CFAP221: variants seen among roughly 807,000 people sequenced by gnomAD.
CFAP221 encodes cilia- and flagella-associated protein 221.
In CFAP221, 97 loss-of-function variants were observed where a neutral mutation model predicts 113.1. That is an observed-to-expected ratio of 0.86 (90% CI 0.73 to 1.02). The LOEUF (loss-of-function observed/expected upper bound fraction) is 1.02, where lower values mean the gene tolerates loss of function less well. Among genes scored for constraint, CFAP221 ranks in the 50% least tolerant of loss-of-function variants. The probability of loss-of-function intolerance (pLI) is 0.00; values close to 1 mark genes in which losing one functional copy is unlikely to be tolerated. For synonymous variants in CFAP221, 331 were observed against 354.4 expected (o/e 0.93, Z 0.74); for missense variants, 1,025 against 1,013.4 (o/e 1.01, Z -0.16).
chr2:119,624,315 A>G (rs569925757), intron 14 of CFAP221, among the ~76,000 whole-genome samples: 10 of 152,356 alleles, frequency 6.6e-5, no homozygotes, highest in Admixed American at 4.6e-4. Context: ...CAAAACCACA[A>G]TGAGATACCA....
chr2:119,611,607 A>G, intron 12 of CFAP221, 46 bp from the exon 13 acceptor site: 1 of 1,510,258 alleles, frequency 6.6e-7, no homozygotes, highest in Non-Finnish European at 9.1e-7. Context: ...AAATTGTTTT[A>G]CGCATTTATA....
intron 22 of CFAP221, among the ~76,000 whole-genome samples, chr2:119,651,346 C>T (rs1436880516): frequency 2.6e-5 from 4 of 151,930 alleles, no homozygotes; most frequent in Admixed American, 6.6e-5. Flanking sequence ...CATTCACTTA[C>T]GTATTTTTCT....
intron 14 of CFAP221, among the ~76,000 whole-genome samples, chr2:119,623,739 A>T (rs1686101443): frequency 6.6e-6 from 1 of 152,210 alleles, no homozygotes; most frequent in East Asian, 1.9e-4. Flanking sequence ...CTGATATTTG[A>T]CAAACCTGAC....
intron 7 of CFAP221, among the ~76,000 whole-genome samples, chr2:119,599,631 G>A (rs1488456759): frequency 2.0e-5 from 3 of 152,136 alleles, no homozygotes; most frequent in Non-Finnish European, 4.4e-5. Flanking sequence ...CAATGAAAAG[G>A]GATTAGAGCC....
intron 22 of CFAP221, among the ~76,000 whole-genome samples, chr2:119,650,019 A>G (rs1403588614): frequency 6.6e-6 from 1 of 152,238 alleles, no homozygotes; most frequent in African/African-American, 2.4e-5. Flanking sequence ...CACTGATAGC[A>G]AATTATCACT....
At chr2:119,647,127 T>C in intron 22 of CFAP221, 77 bp downstream of exon 22, 3 of 1,134,770 alleles carry the variant, frequency 2.6e-6, no homozygotes, top group South Asian at 2.7e-5. Flanking sequence ...GTGAGGAACT[T>C]CAGAATAGCA....
intron 6 of CFAP221, among the ~76,000 whole-genome samples, chr2:119,583,068 C>G (rs892876431): frequency 2.6e-5 from 4 of 151,898 alleles, no homozygotes; most frequent in Admixed American, 6.6e-5. Context: ...GGAGACACAC[C>G]TAAAATAAAA....
chr2:119,617,797 A>AG, intron 14 of CFAP221, among the ~76,000 whole-genome samples: 1 of 152,168 alleles, frequency 6.6e-6, no homozygotes, highest in Admixed American at 6.5e-5. Flanking sequence ...AAACCCTCCG[A>AG]AGATGTTCTG....
At chr2:119,599,632 G>A (rs1264653413) in intron 7 of CFAP221, among the ~76,000 whole-genome samples, 3 of 152,192 alleles carry the variant, frequency 2.0e-5, no homozygotes, top group African/African-American at 7.2e-5. Context: ...AATGAAAAGG[G>A]ATTAGAGCCA....
chr2:119,586,462 T>A (rs1683229997), intron 6 of CFAP221, among the ~76,000 whole-genome samples: 2 of 152,320 alleles, frequency 1.3e-5, no homozygotes, highest in African/African-American at 4.8e-5. Context: ...AGCTTCAAGC[T>A]AGCTTAGAGG....
intron 21 of CFAP221, among the ~76,000 whole-genome samples, chr2:119,643,455 T>C (rs1436112284): frequency 1.3e-5 from 2 of 152,242 alleles, no homozygotes; most frequent in Non-Finnish European, 2.9e-5. Flanking sequence ...TCCCAGACTT[T>C]CTGATTTCAT....
At chr2:119,634,140 A>G (rs1686965619) in intron 19 of CFAP221, among the ~76,000 whole-genome samples, 1 of 152,110 alleles carries the variant, frequency 6.6e-6, no homozygotes, top group Non-Finnish European at 1.5e-5. Context: ...AATAATAATA[A>G]TGTGATCCAG....
chr2:119,598,241 C>T (rs1425623657), intron 7 of CFAP221, among the ~76,000 whole-genome samples: 4 of 152,232 alleles, frequency 2.6e-5, no homozygotes, highest in Non-Finnish European at 4.4e-5. Flanking sequence ...CTGGGCCTCA[C>T]TGCCATAACA....
At chr2:119,600,003 G>T (rs1341078569) in intron 7 of CFAP221, among the ~76,000 whole-genome samples, 1 of 152,112 alleles carries the variant, frequency 6.6e-6, no homozygotes, top group Admixed American at 6.5e-5. Context: ...GCAAAGGAGG[G>T]CATGTTTGGG....
chr2:119,594,326 C>T (rs769956899), intron 7 of CFAP221, among the ~76,000 whole-genome samples: 8 of 152,156 alleles, frequency 5.3e-5, no homozygotes, highest in Middle Eastern at 6.8e-3. Context: ...ACCTCTGCCT[C>T]CCAGGTTCAA....
At chr2:119,632,339 T>TACAA (rs1178845711) in intron 19 of CFAP221, among the ~76,000 whole-genome samples, 1 of 152,162 alleles carries the variant, frequency 6.6e-6, no homozygotes, top group Admixed American at 6.5e-5. Flanking sequence ...GAACCAGGAA[T>TACAA]ACAAGATTAA....
downstream of CFAP221, among the ~76,000 whole-genome samples, chr2:119,658,793 C>T (rs908982463): frequency 2.0e-5 from 3 of 151,962 alleles, no homozygotes; most frequent in Non-Finnish European, 4.4e-5. Context: ...CCAGCCTGGG[C>T]AACATGGCAA....
intron 8 of CFAP221, chr2:119,602,630 A>G: frequency 1.0e-6 from 1 of 985,370 alleles, no homozygotes; most frequent in Non-Finnish European, 1.2e-6. Flanking sequence ...GCCTAAGTCA[A>G]CTGTAGGATA....
chr2:119,606,894 A>T (rs1684808467), intron 11 of CFAP221, among the ~76,000 whole-genome samples: 1 of 152,102 alleles, frequency 6.6e-6, no homozygotes, highest in East Asian at 1.9e-4. Context: ...CCCTCACTCC[A>T]CACACATGCA....
Sources: allele counts gnomAD v4.1 joint callset (sites outside exome capture counted in the v4.1 genomes callset), GRCh38; gene constraint gnomAD v4.1.1; transcripts MANE v1.5; gene names NCBI Gene and HGNC (gene_info 2026-07-23, HGNC 2026-07-21).